SH3YL1: variants seen among roughly 807,000 people sequenced by gnomAD.
SH3YL1 encodes SH3 and SYLF domain containing 1, also known as SH3 domain-containing YSC84-like protein 1.
In SH3YL1, 41 loss-of-function variants were observed where a neutral mutation model predicts 45.8. The ratio of observed to expected loss-of-function variants is 0.89; its 90% CI spans 0.70 to 1.16. SH3YL1 has a LOEUF of 1.16. Among genes scored for constraint, SH3YL1 ranks in the 50% most tolerant of loss-of-function variants. SH3YL1 has a pLI of 0.00. For missense variants in SH3YL1, 389 were observed against 409.6 expected, an observed-to-expected ratio of 0.95 and a Z score of 0.43; for synonymous variants, 152 against 151.4, an observed-to-expected ratio of 1.00 and a Z score of -0.03.
intron 4 of SH3YL1, among the ~76,000 whole-genome samples, chr2:246,990 G>A (rs1329180873): frequency 2.6e-5 from 4 of 152,216 alleles, no homozygotes; most frequent in Admixed American, 2.6e-4. Flanking sequence ...CTGAAGATGA[G>A]CATCAGCCCT....
chr2:255,922 G>C (rs1456027343), intron 1 of SH3YL1: 1 of 152,202 alleles, frequency 6.6e-6, no homozygotes, highest in East Asian at 1.9e-4. Context: ...TCTCAGAATA[G>C]TTAAAATACT....
intron 1 of SH3YL1, chr2:263,723 C>T (rs745370219): frequency 4.5e-6 from 2 of 441,800 alleles, no homozygotes; most frequent in Non-Finnish European, 8.1e-6. Context: ...TTAAAAATAA[C>T]ACGACCATCG....
Position 249,728 on chromosome 2 carries a change from T to C in SH3YL1, c.226+3A>G, listed in dbSNP as rs758154826. ...CTACTCCAGTGAACAGACGCCAACT[T>C]ACTTCCATCTGGAAGGCGCGCCACT... On this transcript the variant is annotated splice_donor_region_variant and intron_variant, in intron 3 of 9. Transcript: ENST00000356150. 1 of 1,548,358 alleles carries C rather than the reference T, an allele frequency of 6.5e-7. No homozygotes were observed. Among genetic ancestry groups the C allele is most frequent in the South Asian group, 1.2e-5 (1 of 84,000 alleles).
In SH3YL1 at chr2:258,463, C is replaced by T. The variant is rs192938632; in HGVS notation, c.2-5348G>A. On this transcript the variant is annotated intron_variant, in intron 1 of 9. Transcript: ENST00000356150. ...CTGCCATTTCTCGATCTGTTTTTGA[C>T]TGATTCTTCTTCCAGCTATGGGTTA... is the stretch of plus-strand genomic sequence containing the variant. Among the ~76,000 whole-genome samples the T allele has an allele frequency of 5.4e-3, 829 of 152,280 alleles. 9 individuals carry two copies. The highest frequency in any genetic ancestry group is 0.019 in the African/African-American group (788 of 41,542).
At chr2:263,869 G>C (rs948122764) in intron 1 of SH3YL1, 115 bp downstream of exon 1, 1 of 874,416 alleles carries the variant, frequency 1.1e-6, no homozygotes, top group East Asian at 3.0e-5. Flanking sequence ...GTTAACAGAC[G>C]CGCGACCTAG....
intron 1 of SH3YL1, chr2:259,595 C>T (rs533062493): frequency 6.6e-6 from 1 of 151,822 alleles, no homozygotes; most frequent in East Asian, 1.9e-4. Context: ...ACAGCCCAGC[C>T]TTGACAGAAC....
rs756310097 is a variant in SH3YL1 at position 218,861 on chromosome 2, G to A, written c.979C>T (p.Leu327Phe). ...DSHFDWWEGK[L>F]RGQTGIFPAN... ...GGAAAAATGCCAGTTTGACCTCGAA[G>A]TTTTCCTTCCCACCAATCAAAATGT... The change falls in exon 10 of 10, where the codon CTT becomes TTT. Residue 327 changes from leucine to phenylalanine, a missense_variant. Physicochemically the swap from Leu to Phe is conservative, Grantham distance 22. Coordinates refer to ENST00000356150, the MANE Select transcript of SH3YL1 (RefSeq NM_015677.4). The A allele has an allele frequency of 2.4e-5, 39 of 1,613,840 alleles. No individual in the cohort carries two copies. The highest frequency in any genetic ancestry group is 6.7e-5 in the Admixed American group (4 of 59,990).
upstream of SH3YL1, chr2:264,761 C>A: frequency 1.8e-6 from 1 of 551,914 alleles, no homozygotes; most frequent in Non-Finnish European, 3.1e-6. Context: ...ACCCGCGGAC[C>A]CTCCCCGCCC....
chr2:251,449 G>A lies in SH3YL1; in HGVS notation c.112+1556C>T, dbSNP rs139117388. 6.8e-4 allele frequency among the ~76,000 whole-genome samples: 104 copies of A among 152,280 alleles called. 1 individual carries two copies. In the East Asian group the frequency reaches 0.017, roughly 25 times the overall value. ...CTCTGTTGGCTGTGGAACTTCCATC[G>A]TTGCCACACCCATGCTTTGGGGCAA... On this transcript the variant is annotated intron_variant, in intron 2 of 9. Transcript: ENST00000356150.
intron 2 of SH3YL1, among the ~76,000 whole-genome samples, chr2:252,256 A>T (rs1005164632): frequency 1.3e-5 from 2 of 152,238 alleles, no homozygotes; most frequent in African/African-American, 4.8e-5. Flanking sequence ...TTAATGTCTT[A>T]AACCGCTAGA....
intron 4 of SH3YL1, chr2:240,656 TC>T (rs1372931503): frequency 7.9e-5 from 12 of 152,114 alleles, no homozygotes; most frequent in Admixed American, 7.9e-4. Context: ...GCAATTTATG[TC>T]CCCAGGGCAT....
chr2:234,090 T>A, intron 5 of SH3YL1, 70 bp downstream of exon 5: 1 of 1,127,462 alleles, frequency 8.9e-7, no homozygotes, highest in Non-Finnish European at 1.3e-6. Flanking sequence ...AATTCAAGTT[T>A]CCTATTAATG....
At chr2:264,124 G>T (rs772036897), upstream of SH3YL1, 5 of 1,238,600 alleles carry the variant, frequency 4.0e-6, no homozygotes, top group Non-Finnish European at 5.2e-6. Context: ...AACACCCGCC[G>T]TGTACGTTTC....
chr2:261,974 G>A (rs1669605802), intron 1 of SH3YL1, among the ~76,000 whole-genome samples: 2 of 152,138 alleles, frequency 1.3e-5, no homozygotes, highest in Admixed American at 1.3e-4. Flanking sequence ...GTGAAATGGA[G>A]GTTAACTCAT....
intron 9 of SH3YL1, among the ~76,000 whole-genome samples, chr2:223,854 G>A (rs185107702): frequency 1.3e-5 from 2 of 152,314 alleles, no homozygotes; most frequent in Admixed American, 6.5e-5. Flanking sequence ...CCCCTCGGAG[G>A]AGAAACATCT....
intron 8 of SH3YL1, among the ~76,000 whole-genome samples, chr2:227,504 A>G (rs1338447189): frequency 6.6e-6 from 1 of 152,168 alleles, no homozygotes; most frequent in Admixed American, 6.5e-5. Flanking sequence ...AGCAAACAGA[A>G]CTATACCAGT....
chr2:249,218 G>T (rs1158870500), intron 3 of SH3YL1, among the ~76,000 whole-genome samples: 1 of 152,182 alleles, frequency 6.6e-6, no homozygotes, highest in Non-Finnish European at 1.5e-5. Flanking sequence ...TCAAGTAGTA[G>T]ATTTCATCCC....
At chr2:242,845 G>A in intron 4 of SH3YL1, 1 of 1,517,324 alleles carries the variant, frequency 6.6e-7, no homozygotes, top group East Asian at 2.6e-5. Context: ...CATGCAGATG[G>A]CAACCTAAGA....
In SH3YL1 at chr2:218,618, G is replaced by C. The variant is rs1667447355; in HGVS notation, c.*193C>G. On this transcript the variant is annotated 3_prime_UTR_variant, in exon 10 of 10. Coordinates refer to ENST00000356150, the MANE Select transcript of SH3YL1 (RefSeq NM_015677.4). ...TCTATGACACAGTAAGTGTGATAAA[G>C]TTAGTACAAAGTATTTAAAGATATG... 1.8e-6 allele frequency: 1 copy of C among 548,128 alleles called. No individual in the cohort carries two copies. Among genetic ancestry groups the C allele is most frequent in the South Asian group, 2.8e-5 (1 of 35,412 alleles). 34.0% of individuals were successfully genotyped at this position (548,128 alleles called of 1,614,324 possible).
Sources: allele counts gnomAD v4.1 joint callset (sites outside exome capture counted in the v4.1 genomes callset), GRCh38; gene constraint gnomAD v4.1.1; transcripts MANE v1.5; gene names NCBI Gene and HGNC (gene_info 2026-07-23, HGNC 2026-07-21).